LRBA: variants seen among roughly 807,000 people sequenced by gnomAD.
The protein encoded by LRBA is lipopolysaccharide-responsive and beige-like anchor protein.
A neutral mutation model predicts 330.0 loss-of-function variants in LRBA; 176 were observed. The ratio of observed to expected loss-of-function variants is 0.53; its 90% CI spans 0.47 to 0.60. The LOEUF (loss-of-function observed/expected upper bound fraction) is 0.60. Ranked by LOEUF, LRBA falls within the 20% of genes least tolerant of loss-of-function variation. The pLI is 0.00. For synonymous variants in LRBA, 1,230 were observed against 1,193.0 expected, an observed-to-expected ratio of 1.03 and a Z score of -0.64; for missense variants, 3,259 against 3,444.8, an observed-to-expected ratio of 0.95 and a Z score of 1.35.
intron 42 of LRBA, among the ~76,000 whole-genome samples, chr4:150,486,907 T>C (rs930919384): frequency 1.3e-5 from 2 of 151,918 alleles, no homozygotes; most frequent in Non-Finnish European, 2.9e-5. Context: ...TCTGCGTCTT[T>C]CTTATTTCAC....
chr4:150,631,064 TTAGA>T (rs757830679), intron 37 of LRBA, among the ~76,000 whole-genome samples: 1 of 152,152 alleles, frequency 6.6e-6, no homozygotes, highest in Non-Finnish European at 1.5e-5. Flanking sequence ...TTTTGTAAAG[TTAGA>T]TAGTCCTTAA....
rs1561019477 is a variant in LRBA, at chr4:150,929,019, T to G, written c.263A>C (p.Glu88Ala). The change falls in exon 3 of 57, where the codon GAA (glutamate) becomes GCA (alanine). Residue 88 changes from glutamate (E) to alanine (A), a missense_variant. Transcript: ENST00000651943. The stretch of plus-strand genomic sequence containing the variant: ...CACCATGCAGTTAATACTCTCACCT[T>G]CTTGGATAATGAAATTCATTTCCAG... ...FDLEMNFIIQ[E>A]GESINCMVDL... The G allele has an allele frequency of 6.2e-7, 1 of 1,613,536 alleles. No individual in the cohort carries two copies.
At chr4:150,508,657 T>A (rs1761461433) in intron 40 of LRBA, among the ~76,000 whole-genome samples, 1 of 152,222 alleles carries the variant, frequency 6.6e-6, no homozygotes, top group African/African-American at 2.4e-5. Flanking sequence ...TATCATTTCA[T>A]CAAGAGGCTT....
intron 41 of LRBA, among the ~76,000 whole-genome samples, chr4:150,489,241 A>AATATATAATATATTATATATACGT (rs1758416124): frequency 9.7e-6 from 1 of 102,638 alleles, no homozygotes; most frequent in Non-Finnish European, 1.8e-5. Context: ...TATATATACG[A>AATATATAATATATTATATATACGT]ATATATAATA....
chr4:150,502,778 G>C (rs1385354140), intron 40 of LRBA, among the ~76,000 whole-genome samples: 5 of 152,248 alleles, frequency 3.3e-5, no homozygotes, highest in Non-Finnish European at 5.9e-5. Context: ...AGAAGCGCAA[G>C]GGGTCAGGGA....
intron 47 of LRBA, among the ~76,000 whole-genome samples, chr4:150,374,059 T>G (rs1368649194): frequency 1.3e-5 from 2 of 152,166 alleles, no homozygotes; most frequent in East Asian, 3.8e-4. Context: ...AAAGCCACGT[T>G]CACCCACTCT....
At chr4:150,967,305 C>T (rs577572439) in intron 2 of LRBA, among the ~76,000 whole-genome samples, 1 of 152,326 alleles carries the variant, frequency 6.6e-6, no homozygotes, top group Non-Finnish European at 1.5e-5. Context: ...TGGGCAACAA[C>T]GCAAAATGTC....
chr4:150,443,853 A>AAAAAAAATATATATATAT (rs70941406), intron 44 of LRBA, among the ~76,000 whole-genome samples: 1 of 75,482 alleles, frequency 1.3e-5, no homozygotes, highest in African/African-American at 3.9e-5. Context: ...TAATTAAAAA[A>AAAAAAAATATATATATAT]ATATATATAT....
intron 44 of LRBA, among the ~76,000 whole-genome samples, chr4:150,448,822 A>AGG (rs56679836): frequency 2.6e-5 from 1 of 38,652 alleles, no homozygotes; most frequent in African/African-American, 1.1e-4. Flanking sequence ...AAAAAAAAAA[A>AGG]GGGGGGGGGG....
chr4:150,549,828 A>C (rs1448702681), intron 40 of LRBA, among the ~76,000 whole-genome samples: 1 of 152,236 alleles, frequency 6.6e-6, no homozygotes. Flanking sequence ...GATGGAAAAG[A>C]AAGCAAATAT....
In LRBA at chr4:150,900,119, C is replaced by T. The variant is rs369788958; in HGVS notation, c.1854G>A (p.Met618Ile). 1.2e-6 allele frequency: 2 copies of T among 1,612,996 alleles called. No individual in the cohort carries two copies. The highest frequency in any genetic ancestry group is 2.7e-5 in the African/African-American group (2 of 74,886). The part of the protein sequence containing the change: ...IRRVGTVLLI[M>I]HTLKYYYWAV... ...CCCAGTAGTAGTACTTCAGCGTGTG[C>T]ATGATGAGAAGCACTGTTCCAACTC... is the stretch of plus-strand genomic sequence containing the variant. The change falls in exon 14 of 57, where the codon ATG becomes ATA. Residue 618 changes from methionine to isoleucine, a missense_variant. Met to Ile is a conservative substitution (Grantham distance 10, BLOSUM62 1). Coordinates refer to ENST00000651943, the MANE Select transcript of LRBA (RefSeq NM_001364905.1).
rs760622773 is a variant in LRBA, at chr4:150,471,737, C to T, written c.6554G>A (p.Arg2185His). 60 of 1,432,054 alleles carry T rather than the reference C, an allele frequency of 4.2e-5. 1 individual carries two copies. In the South Asian group the frequency reaches 5.6e-4, roughly 13 times the overall value. 88.7% of individuals were successfully genotyped at this position (1,432,054 alleles called of 1,614,324 possible). Residue 2185 changes from arginine to histidine, a missense_variant and splice_region_variant, in exon 43 of 57, where the codon CGT (arginine) becomes CAT (histidine). Arg to His is a conservative substitution (Grantham distance 29). Coordinates refer to ENST00000651943, the MANE Select transcript of LRBA (RefSeq NM_001364905.1). ...GTSFGLPQTRRISLASPRQLF... is the reference protein window; with the variant it reads ...GTSFGLPQTRHISLASPRQLF... The stretch of plus-strand genomic sequence containing the variant: ...CTGACGTGGACTAGCTAATGAAATA[C>T]GTCTGCAAGAAAAAGAATTCAATGT...
chr4:150,372,912 T>C (rs377558100), intron 47 of LRBA, among the ~76,000 whole-genome samples: 1 of 151,584 alleles, frequency 6.6e-6, no homozygotes, highest in African/African-American at 2.4e-5. Flanking sequence ...ATAAAAGATA[T>C]TGTGGCTTCC....
chr4:150,310,712 T>G (rs2126881054), intron 51 of LRBA: 1 of 201,936 alleles, frequency 5.0e-6, no homozygotes, highest in Non-Finnish European at 1.0e-5. Flanking sequence ...CACAGTTAGG[T>G]TTGTGTTTCT....
chr4:150,393,988 C>A (rs1744370319), intron 47 of LRBA, among the ~76,000 whole-genome samples: 1 of 152,146 alleles, frequency 6.6e-6, no homozygotes, highest in Admixed American at 6.5e-5. Flanking sequence ...AGAAATGCAG[C>A]AATAGGACTC....
chr4:150,266,526 G>A (rs1347614543), intron 56 of LRBA, among the ~76,000 whole-genome samples: 1 of 152,178 alleles, frequency 6.6e-6, no homozygotes, highest in Non-Finnish European at 1.5e-5. Context: ...TCTCTGTGTA[G>A]TTTGGTTAGG....
chr4:150,830,923 C>A (rs995948939), intron 29 of LRBA, among the ~76,000 whole-genome samples: 3 of 151,886 alleles, frequency 2.0e-5, no homozygotes, highest in African/African-American at 7.3e-5. Context: ...ACCACCATGC[C>A]TGGCTAATTT....
intron 17 of LRBA, among the ~76,000 whole-genome samples, chr4:150,873,172 G>A (rs561667301): frequency 3.3e-5 from 5 of 152,114 alleles, no homozygotes; most frequent in Admixed American, 2.6e-4. Context: ...AAGACAGTAG[G>A]CTAATAATAA....
intron 50 of LRBA, 130 bp from the exon 51 acceptor site, chr4:150,315,753 T>A: frequency 3.2e-6 from 2 of 627,780 alleles, no homozygotes; most frequent in Non-Finnish European, 5.3e-6. Context: ...TTGTGAAATT[T>A]AAAGAACAAA....
Sources: gnomAD v4.1 joint callset for allele counts (sites outside exome capture counted in the v4.1 genomes callset) on GRCh38, gnomAD v4.1.1 for gene constraint, MANE v1.5 for transcripts, NCBI Gene and HGNC (gene_info 2026-07-23, HGNC 2026-07-21) for gene names.